PUM3: variants seen among roughly 807,000 people sequenced by gnomAD.
PUM3 encodes the protein pumilio RNA binding family member 3.
PUM3 carries 91 observed loss-of-function variants against 84.0 expected under a neutral mutation model. That is an observed-to-expected ratio of 1.08 (90% CI 0.91 to 1.29). The LOEUF (loss-of-function observed/expected upper bound fraction) is 1.29, where lower values mean the gene tolerates loss of function less well. Among genes scored for constraint, PUM3 ranks in the 50% most tolerant of loss-of-function variants. The probability of loss-of-function intolerance (pLI) is 0.00; values close to 1 mark genes in which losing one functional copy is unlikely to be tolerated. For missense variants in PUM3, 1,067 were observed against 767.5 expected, an observed-to-expected ratio of 1.39 and a Z score of -4.61; for synonymous variants, 321 against 266.7, an observed-to-expected ratio of 1.20 and a Z score of -1.98.
chr9:2,836,781 T>C (rs1816132705), intron 3 of PUM3, among the ~76,000 whole-genome samples: 1 of 152,138 alleles, frequency 6.6e-6, no homozygotes, highest in Non-Finnish European at 1.5e-5. Context: ...TTGGGGCCTG[T>C]ATCCTTACTG....
intron 9 of PUM3, 121 bp from the exon 10 acceptor site, chr9:2,827,272 T>C: frequency 1.5e-6 from 1 of 646,616 alleles, no homozygotes; most frequent in Non-Finnish European, 2.6e-6. Flanking sequence ...CTGAATACAA[T>C]TTGTCATAAA....
intron 17 of PUM3, among the ~76,000 whole-genome samples, chr9:2,807,541 T>G (rs2129781528): frequency 7.9e-6 from 1 of 126,246 alleles, no homozygotes; most frequent in Admixed American, 1.1e-4. Context: ...AGGTTGAGGC[T>G]GCAGTGAGCT....
intron 1 of PUM3, among the ~76,000 whole-genome samples, chr9:2,842,840 A>C (rs889450180): frequency 9.9e-5 from 15 of 152,162 alleles, no homozygotes; most frequent in African/African-American, 3.6e-4. Flanking sequence ...TTTGCCCCAC[A>C]AACAACAATA....
At position 2,804,335 on chromosome 9, in the gene PUM3, G is replaced by A; in HGVS notation, c.1943C>T (p.Thr648Ile). 2 of 1,613,236 alleles carry A rather than the reference G, an allele frequency of 1.2e-6. No homozygotes were observed. The highest frequency in any genetic ancestry group is 1.7e-6 in the Non-Finnish European group (2 of 1,179,802). ...GIEILLEKLS[T>I] ...CTTGCTCTTAACTCTTTCCACCTAT[G>A]TGCTCAGTTTTTCAAGTAGAATTTC... Residue 648 changes from threonine (T) to isoleucine (I), a missense_variant, in exon 18 of 18, where the codon ACA becomes ATA. Thr to Ile is a moderately conservative substitution (Grantham distance 89). Coordinates refer to ENST00000397885, the MANE Select transcript of PUM3 (RefSeq NM_014878.5).
chr9:2,822,393 G>A (rs1009161952), intron 12 of PUM3, among the ~76,000 whole-genome samples: 8 of 151,862 alleles, frequency 5.3e-5, no homozygotes, highest in Non-Finnish European at 8.8e-5. Flanking sequence ...AATATATCCA[G>A]AAACCCCCAA....
At chr9:2,828,830 C>G (rs772624115) in intron 8 of PUM3, 52 bp from the exon 9 acceptor site, 1 of 1,024,072 alleles carries the variant, frequency 9.8e-7, no homozygotes, top group East Asian at 2.4e-5. Context: ...AATTTTTTCA[C>G]TTCAGGAAAA....
At chr9:2,805,797 T>C (rs1821245017) in intron 17 of PUM3, among the ~76,000 whole-genome samples, 1 of 152,112 alleles carries the variant, frequency 6.6e-6, no homozygotes, top group African/African-American at 2.4e-5. Flanking sequence ...AATCTCATTT[T>C]TTTTACCACC....
At chr9:2,814,206 C>T (rs1397337190) in intron 13 of PUM3, among the ~76,000 whole-genome samples, 8 of 152,340 alleles carry the variant, frequency 5.3e-5, no homozygotes, top group African/African-American at 1.9e-4. Context: ...CCAAAGTGAA[C>T]TCCAACTATT....
Position 2,838,477 on chromosome 9 carries a change from C to T in PUM3, c.31G>A (p.Gly11Arg), listed in dbSNP as rs1357294945. 6.2e-7 allele frequency: 1 copy of T among 1,613,504 alleles called. No homozygotes were observed. Among genetic ancestry groups the T allele is most frequent in the Non-Finnish European group, 8.5e-7 (1 of 1,179,680 alleles). MEVKGKKQFT[G>R]KSTKTAQEKN... ...TCTTGTGCTGTCTTTGTACTCTTTC[C>T]TGTGAATTGCTTTTTCCCTTTAACT... Residue 11 changes from glycine to arginine, a missense_variant, in exon 2 of 18, where the codon GGA (glycine) becomes AGA (arginine). By Grantham distance (125) the Gly-to-Arg change is moderately radical. Transcript: ENST00000397885.
At chr9:2,836,527 G>A (rs1240831775) in intron 3 of PUM3, among the ~76,000 whole-genome samples, 1 of 152,168 alleles carries the variant, frequency 6.6e-6, no homozygotes. Context: ...CACGAGACCT[G>A]CCAATACTTC....
intron 12 of PUM3, among the ~76,000 whole-genome samples, chr9:2,823,157 C>G (rs80211504): frequency 0.041 from 6,160 of 151,938 alleles, 136 homozygotes; most frequent in East Asian, 0.07. Flanking sequence ...ACCATAGCAA[C>G]AGCATGAAAA....
At chr9:2,843,733 C>T (rs1274135252) in intron 1 of PUM3, among the ~76,000 whole-genome samples, 2 of 151,974 alleles carry the variant, frequency 1.3e-5, no homozygotes, top group Non-Finnish European at 2.9e-5. Context: ...CGCCCGCCAC[C>T]ATGCCCGGCT....
In PUM3 at chr9:2,811,431, ACG is replaced by A; in HGVS notation, c.1563_1564del (p.Val522SerfsTer44). The A allele has an allele frequency of 6.2e-7, 1 of 1,614,184 alleles. No individual in the cohort carries two copies. Among genetic ancestry groups the A allele is most frequent in the Non-Finnish European group, 8.5e-7 (1 of 1,180,026 alleles). On this transcript the variant is annotated frameshift_variant, in exon 15 of 18. Transcript: ENST00000397885. LOFTEE classifies it high-confidence loss of function. ...GGCGATGGCATTCATGGTAGGCTGA[ACG>A]TCTCCAGTGGCAGATCCCAGAATGT...
chr9:2,814,993 G>A (rs1821443363), intron 13 of PUM3, among the ~76,000 whole-genome samples: 1 of 152,172 alleles, frequency 6.6e-6, no homozygotes, highest in Admixed American at 6.5e-5. Context: ...ATATGGCTTG[G>A]GCAGAAATGG....
At chr9:2,835,073 AT>A (rs1816087039) in intron 3 of PUM3, among the ~76,000 whole-genome samples, 2 of 151,928 alleles carry the variant, frequency 1.3e-5, no homozygotes, top group Admixed American at 1.3e-4. Context: ...ATAGCCACTG[AT>A]AATTTTCCCC....
chr9:2,842,084 C>T (rs185599283), intron 1 of PUM3, among the ~76,000 whole-genome samples: 1 of 152,280 alleles, frequency 6.6e-6, no homozygotes, highest in Admixed American at 6.5e-5. Context: ...TACATGGAAT[C>T]ATACAATATG....
rs745459172 is a variant in PUM3 at position 2,811,387 on chromosome 9, G to C, written c.1609C>G (p.Leu537Val). ...NAIASLAATG[L>V]HPGGKDGELH... ...TCTCCGTCCTTGCCACCAGGATGCAGTCCTGTTGCTGCCAAGCTGGCGATG... is the reference window on the plus strand; with the variant it reads ...TCTCCGTCCTTGCCACCAGGATGCACTCCTGTTGCTGCCAAGCTGGCGATG... The change falls in exon 15 of 18, where the codon CTG becomes GTG. Residue 537 changes from leucine (L) to valine (V), a missense_variant. Physicochemically the swap from Leu to Val is conservative, Grantham distance 32 (BLOSUM62 1). Coordinates refer to ENST00000397885, the MANE Select transcript of PUM3 (RefSeq NM_014878.5). The C allele has an allele frequency of 3.7e-6, 6 of 1,614,028 alleles. No individual in the cohort carries two copies. The East Asian group carries it at 6.7e-5, about 18-fold the overall frequency.
At chr9:2,833,859 T>A (rs1816050190) in intron 4 of PUM3, among the ~76,000 whole-genome samples, 172 bp downstream of exon 4, 1 of 152,208 alleles carries the variant, frequency 6.6e-6, no homozygotes, top group African/African-American at 2.4e-5. Context: ...TCTACACACT[T>A]CTGTGACGGG....
rs749736222 is a variant in PUM3 at position 2,820,062 on chromosome 9, C to T, written c.1225G>A (p.Asp409Asn). 1 of 1,612,998 alleles carries T rather than the reference C, an allele frequency of 6.2e-7. No homozygotes were observed. Among genetic ancestry groups the T allele is most frequent in the South Asian group, 1.1e-5 (1 of 91,004 alleles). ...YSHLVLLAAF[D>N]CIDDTKLVKQ... is the part of the protein sequence containing the mutation. ...ACAAGCTTAGTATCATCAATACAATCAAATGCCGCCAGTAAAACCAAATGG... is the reference window on the plus strand; with the variant it reads ...ACAAGCTTAGTATCATCAATACAATTAAATGCCGCCAGTAAAACCAAATGG... The change falls in exon 13 of 18, where the codon GAT (aspartate) becomes AAT (asparagine). Residue 409 changes from aspartate to asparagine, a missense_variant. Physicochemically the swap from Asp to Asn is conservative, Grantham distance 23. Coordinates refer to ENST00000397885, the MANE Select transcript of PUM3 (RefSeq NM_014878.5).
Sources: gnomAD v4.1 joint callset for allele counts (sites outside exome capture counted in the v4.1 genomes callset) on GRCh38, gnomAD v4.1.1 for gene constraint, MANE v1.5 for transcripts, NCBI Gene and HGNC (gene_info 2026-07-23, HGNC 2026-07-21) for gene names.